IFT57: variants seen among roughly 807,000 people sequenced by gnomAD.
IFT57 encodes intraflagellar transport protein 57 homolog.
A neutral mutation model predicts 56.8 loss-of-function variants in IFT57; 59 were observed. The observed-to-expected ratio is 1.04, with a 90% CI of 0.84 to 1.29. The LOEUF is 1.29. Among genes scored for constraint, IFT57 ranks in the 50% most tolerant of loss-of-function variants. The pLI, the probability that IFT57 is intolerant of heterozygous loss-of-function variation, is 0.00. For synonymous variants in IFT57, 209 were observed against 186.1 expected (o/e 1.12, Z -1.00); for missense variants, 470 against 522.1 (o/e 0.90, Z 0.97).
chr3:108,166,350 T>A (rs2080062869), intron 8 of IFT57, among the ~76,000 whole-genome samples: 2 of 152,100 alleles, frequency 1.3e-5, no homozygotes, highest in Admixed American at 6.6e-5. Flanking sequence ...GTTAAAATTC[T>A]AAAACTTTGA....
Position 108,162,481 on chromosome 3 carries a change from TA to T in IFT57, c.1285del (p.Tyr429IlefsTer10), listed in dbSNP as rs747262059. On this transcript the variant is annotated frameshift_variant, in exon 11 of 11. Transcript: ENST00000264538. LOFTEE classifies it high-confidence loss of function. ...TVIPEPATGF[Y>X] ...AAACATGAAAACCAGTATGTTTTAA[TA>T]AAAGCCTGTTGCTGGTTCTGGAATA... 3.2e-5 allele frequency: 51 copies of T among 1,595,270 alleles called. No individual in the cohort carries two copies. The highest frequency in any genetic ancestry group is 4.4e-5 in the Non-Finnish European group (51 of 1,170,360).
At chr3:108,176,435 T>C (rs373374132) in intron 6 of IFT57, among the ~76,000 whole-genome samples, 2 of 151,982 alleles carry the variant, frequency 1.3e-5, no homozygotes, top group African/African-American at 4.8e-5. Flanking sequence ...ATAGGTTTTC[T>C]ATTACATCAA....
chr3:108,174,811 G>A (rs980898718), intron 6 of IFT57, among the ~76,000 whole-genome samples: 1 of 151,868 alleles, frequency 6.6e-6, no homozygotes, highest in Non-Finnish European at 1.5e-5. Context: ...GCCTGGGTCT[G>A]AGAGTAAGAA....
At chr3:108,167,113 A>C (rs1358985413) in intron 7 of IFT57, 128 bp from the exon 8 acceptor site, 2 of 764,056 alleles carry the variant, frequency 2.6e-6, no homozygotes, top group Non-Finnish European at 4.1e-6. Context: ...AGACAGCTTG[A>C]AATTTTCAAT....
intron 6 of IFT57, among the ~76,000 whole-genome samples, chr3:108,172,485 T>C (rs1047047916): frequency 1.4e-4 from 21 of 151,830 alleles, no homozygotes; most frequent in Non-Finnish European, 2.5e-4. Flanking sequence ...AGTGTATGTT[T>C]TGAGAAAGTA....
chr3:108,199,830 G>A lies in IFT57; in HGVS notation c.654+6798C>T, dbSNP rs566495587. ...TAAATGGGGCAAGGTGATAAGGGAA[G>A]TGTCACTTAGGAGATAGAAGAGATA... On this transcript the variant is annotated intron_variant, in intron 5 of 10. Coordinates refer to ENST00000264538, the MANE Select transcript of IFT57 (RefSeq NM_018010.4). 2.6e-4 allele frequency among the ~76,000 whole-genome samples: 39 copies of A among 152,296 alleles called. No homozygotes were observed. In the South Asian group the frequency reaches 7.5e-3, roughly 29 times the overall value.
At chr3:108,180,495 C>T (rs904124697) in intron 6 of IFT57, among the ~76,000 whole-genome samples, 1 of 151,968 alleles carries the variant, frequency 6.6e-6, no homozygotes, top group South Asian at 2.1e-4. Flanking sequence ...CTCCCACCTT[C>T]AGGAATGTAT....
chr3:108,207,346 C>T (rs1412649031), intron 4 of IFT57, among the ~76,000 whole-genome samples: 1 of 152,108 alleles, frequency 6.6e-6, no homozygotes, highest in Non-Finnish European at 1.5e-5. Context: ...AACTCCCTCC[C>T]CAATATGCAG....
intron 10 of IFT57, among the ~76,000 whole-genome samples, chr3:108,162,864 T>C (rs62264147): frequency 0.09 from 13,737 of 152,120 alleles, 670 homozygotes; most frequent in Middle Eastern, 0.12. Flanking sequence ...GTTTGATGTA[T>C]TGAGACTAAA....
At chr3:108,217,978 A>T (rs2107222754) in intron 3 of IFT57, among the ~76,000 whole-genome samples, 1 of 147,546 alleles carries the variant, frequency 6.8e-6, no homozygotes, top group South Asian at 2.2e-4. Context: ...TCAGAATAGT[A>T]AAGAACAATT....
At chr3:108,170,022 A>G (rs2080084552) in intron 6 of IFT57, among the ~76,000 whole-genome samples, 1 of 152,036 alleles carries the variant, frequency 6.6e-6, no homozygotes, top group South Asian at 2.1e-4. Flanking sequence ...GCTATTTATG[A>G]CAAACCCATA....
chr3:108,221,438 G>A (rs917451588), intron 1 of IFT57, among the ~76,000 whole-genome samples: 4 of 152,136 alleles, frequency 2.6e-5, no homozygotes, highest in Non-Finnish European at 5.9e-5. Flanking sequence ...TTCCCCCACC[G>A]GAACAAGGGT....
At chr3:108,174,979 A>G (rs528861356) in intron 6 of IFT57, among the ~76,000 whole-genome samples, 3 of 151,984 alleles carry the variant, frequency 2.0e-5, no homozygotes, top group Admixed American at 2.0e-4. Context: ...AGTGAGAAAA[A>G]CTAAGAATCA....
At chr3:108,173,997 AGTGTGTGTGTGTGTGTGTGTGTGTGTGT>A (rs34537693) in intron 6 of IFT57, among the ~76,000 whole-genome samples, 1 of 100,720 alleles carries the variant, frequency 9.9e-6, no homozygotes, top group African/African-American at 3.4e-5. Flanking sequence ...CATATATTTG[AGTGTGTGTGTGTGTGTGTGTGTGTGTGT>A]GTGTGTGTGT....
intron 6 of IFT57, among the ~76,000 whole-genome samples, chr3:108,185,776 C>A (rs940748137): frequency 1.3e-5 from 2 of 151,960 alleles, no homozygotes; most frequent in Admixed American, 1.3e-4. Context: ...AACTGCTAAC[C>A]CCTGAGCCTT....
intron 5 of IFT57, among the ~76,000 whole-genome samples, chr3:108,195,133 CAA>C (rs1183055557): frequency 4.6e-5 from 7 of 151,834 alleles, no homozygotes; most frequent in African/African-American, 1.7e-4. Flanking sequence ...GAAAAAAACC[CAA>C]ATGATCTAAT....
chr3:108,183,176 TA>T (rs913633929), intron 6 of IFT57, among the ~76,000 whole-genome samples: 2 of 151,902 alleles, frequency 1.3e-5, no homozygotes, highest in Non-Finnish European at 2.9e-5. Flanking sequence ...CATTGTGATT[TA>T]AAAAAAACTT....
At chr3:108,212,866 A>C (rs537348903) in intron 4 of IFT57, among the ~76,000 whole-genome samples, 1 of 152,280 alleles carries the variant, frequency 6.6e-6, no homozygotes, top group South Asian at 2.1e-4. Context: ...AATATAGTTG[A>C]CCCTTGAACA....
chr3:108,214,457 T>A (rs1308002061), intron 3 of IFT57, among the ~76,000 whole-genome samples: 1 of 152,150 alleles, frequency 6.6e-6, no homozygotes, highest in African/African-American at 2.4e-5. Context: ...ACATACCATT[T>A]AGAATAAATT....
Sources: gnomAD v4.1 joint callset for allele counts (sites outside exome capture counted in the v4.1 genomes callset) on GRCh38, gnomAD v4.1.1 for gene constraint, MANE v1.5 for transcripts, NCBI Gene and HGNC (gene_info 2026-07-23, HGNC 2026-07-21) for gene names.